The following RTTN variants were observed in gnomAD, a reference collection of about 807,000 sequenced individuals.
RTTN encodes rotatin.
A neutral mutation model predicts 269.2 loss-of-function variants in RTTN; 182 were observed. That is an observed-to-expected ratio of 0.68 (90% CI 0.60 to 0.76). RTTN has a LOEUF of 0.76. Ranked by LOEUF, RTTN falls within the 30% of genes least tolerant of loss-of-function variation. The pLI, the probability that RTTN is intolerant of heterozygous loss-of-function variation, is 0.00. For synonymous variants in RTTN, 1,006 were observed against 963.5 expected, an observed-to-expected ratio of 1.04 and a Z score of -0.82; for missense variants, 2,545 against 2,608.6, an observed-to-expected ratio of 0.98 and a Z score of 0.53.
chr18:70,125,544 C>T (rs749237513), intron 25 of RTTN, among the ~76,000 whole-genome samples: 2 of 151,894 alleles, frequency 1.3e-5, no homozygotes, highest in Admixed American at 6.6e-5. Context: ...TAAAAAATAA[C>T]ATTATTTTTA....
At chr18:70,202,893 C>G (rs1030520257) in intron 3 of RTTN, among the ~76,000 whole-genome samples, 1 of 152,026 alleles carries the variant, frequency 6.6e-6, no homozygotes, top group Non-Finnish European at 1.5e-5. Context: ...TGTTGTGAAC[C>G]GCAGTACCCA....
intron 34 of RTTN, among the ~76,000 whole-genome samples, chr18:70,072,143 A>G (rs2058312372): frequency 6.6e-6 from 1 of 152,202 alleles, no homozygotes; most frequent in South Asian, 2.1e-4. Flanking sequence ...TAAAGAAAAT[A>G]TAACTAGTAG....
chr18:70,118,755 T>C (rs1289305735), intron 26 of RTTN, among the ~76,000 whole-genome samples: 2 of 152,152 alleles, frequency 1.3e-5, no homozygotes, highest in Non-Finnish European at 2.9e-5. Context: ...GTGGAATTCA[T>C]TCCAGGGATG....
chr18:70,030,144 T>G, intron 41 of RTTN, 35 bp from the exon 42 acceptor site: 1 of 1,425,790 alleles, frequency 7.0e-7, no homozygotes, highest in East Asian at 2.3e-5. Flanking sequence ...CAAAAGGATA[T>G]TCTATTTCCA....
At chr18:70,100,541 T>A (rs1264385414) in intron 28 of RTTN, among the ~76,000 whole-genome samples, 1 of 152,234 alleles carries the variant, frequency 6.6e-6, no homozygotes, top group East Asian at 1.9e-4. Context: ...CAATTTGACT[T>A]CCTCTTTTCC....
At chr18:70,192,848 T>C (rs1322887716) in intron 8 of RTTN, among the ~76,000 whole-genome samples, 1 of 152,088 alleles carries the variant, frequency 6.6e-6, no homozygotes, top group African/African-American at 2.4e-5. Context: ...CAACAATGTA[T>C]CTATCATTTA....
At chr18:70,096,824 G>C (rs188282689) in intron 28 of RTTN, among the ~76,000 whole-genome samples, 178 of 152,322 alleles carry the variant, frequency 1.2e-3, no homozygotes, top group Admixed American at 1.9e-3. Flanking sequence ...CTTGAGTGCT[G>C]TGCTGGGAGA....
chr18:70,050,430 T>G (rs932566486), intron 39 of RTTN, among the ~76,000 whole-genome samples: 2 of 152,184 alleles, frequency 1.3e-5, no homozygotes, highest in Admixed American at 1.3e-4. Context: ...CAACAGATGC[T>G]GGCGAGGATG....
chr18:70,040,977 C>A (rs972451017), intron 40 of RTTN, among the ~76,000 whole-genome samples: 3 of 151,976 alleles, frequency 2.0e-5, no homozygotes, highest in African/African-American at 7.2e-5. Context: ...CCCAGCCCTT[C>A]GGGAGGCCAA....
chr18:70,057,640 G>C (rs1334863798), intron 37 of RTTN, 102 bp downstream of exon 37: 4 of 770,818 alleles, frequency 5.2e-6, no homozygotes, highest in Non-Finnish European at 8.8e-6. Flanking sequence ...TGTATATTTT[G>C]AGAGGTTTTC....
At chr18:70,155,794 T>G (rs2060659072) in intron 14 of RTTN, among the ~76,000 whole-genome samples, 1 of 152,224 alleles carries the variant, frequency 6.6e-6, no homozygotes, top group South Asian at 2.1e-4. Context: ...GAAGATTTCA[T>G]GGACATTTAT....
intron 38 of RTTN, among the ~76,000 whole-genome samples, chr18:70,052,143 T>C: frequency 6.6e-6 from 1 of 152,198 alleles, no homozygotes; most frequent in East Asian, 1.9e-4. Flanking sequence ...TCCACTCAGG[T>C]AAATGGAAGC....
intron 25 of RTTN, among the ~76,000 whole-genome samples, chr18:70,125,175 C>T (rs1208625595): frequency 1.3e-5 from 2 of 151,886 alleles, no homozygotes; most frequent in East Asian, 1.9e-4. Flanking sequence ...ATTTTAGAAA[C>T]CATGTTTTTT....
chr18:70,111,581 A>C (rs2059468479), intron 27 of RTTN, among the ~76,000 whole-genome samples: 1 of 152,238 alleles, frequency 6.6e-6, no homozygotes, highest in Admixed American at 6.5e-5. Context: ...TAATGAAATA[A>C]AATGTGAAGA....
At chr18:70,106,345 A>T (rs1293031838) in intron 28 of RTTN, among the ~76,000 whole-genome samples, 1 of 152,220 alleles carries the variant, frequency 6.6e-6, no homozygotes, top group African/African-American at 2.4e-5. Flanking sequence ...CCCTGTCTCA[A>T]AGAAATAAAG....
rs574483980 is a variant in RTTN at position 70,003,790 on chromosome 18, CAATT to C, written c.*357_*360del. On this transcript the variant is annotated 3_prime_UTR_variant, in exon 49 of 49. Coordinates refer to ENST00000640769, the MANE Select transcript of RTTN (RefSeq NM_173630.4). ...GAGACTGATAAAAGTCTGTAAGCAG[CAATT>C]ATTAGTCAATTTTTAGTTTCTAAAA... 4.0e-4 allele frequency: 63 copies of C among 158,730 alleles called. No individual in the cohort carries two copies. Among genetic ancestry groups the C allele is most frequent in the Non-Finnish European group, 7.7e-4 (56 of 72,694 alleles). The allele number at this position is 158,730 out of a possible 1,614,324, so 9.8% of individuals were successfully genotyped here. A position where few individuals can be genotyped will look rare whatever the true frequency, so the allele number is the denominator to read the frequency against.
intron 28 of RTTN, among the ~76,000 whole-genome samples, chr18:70,097,684 T>A (rs926215350): frequency 1.3e-5 from 2 of 152,236 alleles, no homozygotes; most frequent in Non-Finnish European, 2.9e-5. Flanking sequence ...TTTTTATGTA[T>A]CCTTTAGCTA....
chr18:70,088,207 T>G (rs1481422099), intron 30 of RTTN, 60 bp from the exon 31 acceptor site: 1 of 1,466,458 alleles, frequency 6.8e-7, no homozygotes, highest in Non-Finnish European at 9.2e-7. Flanking sequence ...ACATGAATTC[T>G]TAGTTTTTCT....
chr18:70,110,290 A>G (rs1054656250), intron 27 of RTTN, among the ~76,000 whole-genome samples: 3 of 151,728 alleles, frequency 2.0e-5, no homozygotes, highest in African/African-American at 7.3e-5. Flanking sequence ...TCAAATAGGA[A>G]TAGCTCCAGT....
Sources: gnomAD v4.1 joint callset for allele counts (sites outside exome capture counted in the v4.1 genomes callset) on GRCh38, gnomAD v4.1.1 for gene constraint, MANE v1.5 for transcripts, NCBI Gene and HGNC (gene_info 2026-07-23, HGNC 2026-07-21) for gene names.